The following AGAP1 variants were observed in gnomAD, a reference collection of about 807,000 sequenced individuals.
AGAP1 encodes the protein arf-GAP with GTPase, ANK repeat and PH domain-containing protein 1.
A neutral mutation model predicts 105.3 loss-of-function variants in AGAP1; 29 were observed. The ratio of observed to expected loss-of-function variants is 0.28; its 90% CI spans 0.21 to 0.38. AGAP1 has a LOEUF of 0.38. Among genes scored for constraint, AGAP1 ranks in the 10% least tolerant of loss-of-function variants. The pLI is 1.00. For synonymous variants in AGAP1, 509 were observed against 485.9 expected (o/e 1.05, Z -0.63); for missense variants, 998 against 1,165.1 (o/e 0.86, Z 2.09).
At chr2:235,757,257 T>C (rs78264331) in intron 6 of AGAP1, among the ~76,000 whole-genome samples, 2,740 of 152,300 alleles carry the variant, frequency 0.018, 94 homozygotes, top group African/African-American at 0.062. Context: ...CTAGAACAGA[T>C]CTGCATTATT....
At chr2:235,545,231 A>T (rs565401111) in intron 1 of AGAP1, among the ~76,000 whole-genome samples, 28 of 152,184 alleles carry the variant, frequency 1.8e-4, no homozygotes, top group Admixed American at 6.5e-5. Flanking sequence ...TTGGGCCATC[A>T]CCCCCTTCTC....
rs187678979 is a variant in AGAP1 at position 235,902,410 on chromosome 2, G to A, written c.1156-6328G>A. 1.9e-3 allele frequency among the ~76,000 whole-genome samples: 284 copies of A among 152,068 alleles called. 1 individual carries two copies. The highest frequency in any genetic ancestry group is 2.9e-3 in the Non-Finnish European group (197 of 67,988). ...ACTTGCCCTTTGAATGATCTTTTAC[G>A]TGTGTTTTATCCATGCAGGCATATC... On this transcript the variant is annotated intron_variant, in intron 10 of 17. Transcript: ENST00000304032.
intron 1 of AGAP1, among the ~76,000 whole-genome samples, chr2:235,647,958 A>C (rs1365881560): frequency 6.6e-6 from 1 of 152,132 alleles, no homozygotes; most frequent in African/African-American, 2.4e-5. Flanking sequence ...AATTTGAACC[A>C]ATCAGAAAGA....
In AGAP1 at chr2:235,989,260, T is replaced by C. The variant is rs992845662; in HGVS notation, c.1645+20637T>C. On this transcript the variant is annotated intron_variant, in intron 13 of 17. Coordinates refer to ENST00000304032, the MANE Select transcript of AGAP1 (RefSeq NM_001037131.3). The surrounding 1 kb of genome is among the most constrained non-coding windows in gnomAD (Gnocchi z 4.4). ...ACAGGTATTTATTGACCAGGTACTG[T>C]GTAGAGGTCGCTGCTGCGTGTGGCT... Among the ~76,000 whole-genome samples the C allele has an allele frequency of 3.3e-5, 5 of 152,158 alleles. No homozygotes were observed. Among genetic ancestry groups the C allele is most frequent in the African/African-American group, 1.2e-4 (5 of 41,432 alleles).
chr2:235,933,536 A>ATTTTTTTTTTTTTTTTT (rs71036300), intron 12 of AGAP1, among the ~76,000 whole-genome samples: 1 of 141,986 alleles, frequency 7.0e-6, no homozygotes, highest in African/African-American at 2.6e-5. Context: ...TTTTCTAAGG[A>ATTTTTTTTTTTTTTTTT]TTTTTTTTTT....
At position 235,787,903 on chromosome 2, in the gene AGAP1, G is replaced by C. The variant is rs964225116; in HGVS notation, c.674-9856G>C. ...TAGACCATGAGCATTCTGGGACCAAGAGCCATGACCATGAGCATTCCGGGA... is the reference window on the plus strand; with the variant it reads ...TAGACCATGAGCATTCTGGGACCAACAGCCATGACCATGAGCATTCCGGGA... On this transcript the variant is annotated intron_variant, in intron 6 of 17. Transcript: ENST00000304032. The surrounding 1 kb of genome is among the most constrained non-coding windows in gnomAD (Gnocchi z 4.4). Among the ~76,000 whole-genome samples the C allele has an allele frequency of 2.6e-5, 4 of 152,018 alleles. No homozygotes were observed. Among genetic ancestry groups the C allele is most frequent in the Non-Finnish European group, 4.4e-5 (3 of 68,016 alleles).
At chr2:235,508,673 C>G (rs1941941476) in intron 1 of AGAP1, among the ~76,000 whole-genome samples, 1 of 152,178 alleles carries the variant, frequency 6.6e-6, no homozygotes, top group South Asian at 2.1e-4. Context: ...GAAAATTCAC[C>G]TGCGTTTAGG....
chr2:235,598,118 A>G (rs1020673557), intron 1 of AGAP1, among the ~76,000 whole-genome samples: 7 of 147,072 alleles, frequency 4.8e-5, no homozygotes, highest in African/African-American at 7.6e-5. Flanking sequence ...ACGCCCTCCC[A>G]TGTTTCCTTT....
rs866702461 is a variant in AGAP1, at chr2:236,098,620, C to T, written c.2115-21572C>T. Among the ~76,000 whole-genome samples the T allele has an allele frequency of 2.5e-4, 29 of 115,222 alleles. 1 individual carries two copies. The highest frequency in any genetic ancestry group is 8.9e-4 in the African/African-American group (23 of 25,778). 75.6% of individuals were successfully genotyped at this position (115,222 alleles called of 152,430 possible). ...GCTGACTTGATGAAATCTTTTTTTCCTTTTTTTTTTTTTTTTTTTAGAGAA... is the reference window on the plus strand; with the variant it reads ...GCTGACTTGATGAAATCTTTTTTTCTTTTTTTTTTTTTTTTTTTTAGAGAA... On this transcript the variant is annotated intron_variant, in intron 16 of 17. Transcript: ENST00000304032.
At position 235,727,191 on chromosome 2, in the gene AGAP1, G is replaced by T. The variant is rs141016986; in HGVS notation, c.310+9547G>T. ...GTTCTGTCCCTTCGGGTGGGGAGAT[G>T]AGGTCAGCCTAATTGAGCTGAGTGG... is the stretch of plus-strand genomic sequence containing the variant. On this transcript the variant is annotated intron_variant, in intron 3 of 17. Coordinates refer to ENST00000304032, the MANE Select transcript of AGAP1 (RefSeq NM_001037131.3). Among the ~76,000 whole-genome samples the T allele has an allele frequency of 1.7e-3, 264 of 152,324 alleles. 3 individuals are homozygous for T. In the East Asian group the frequency reaches 0.02, roughly 12 times the overall value.
chr2:235,923,607 T>G (rs2052297521), intron 11 of AGAP1, among the ~76,000 whole-genome samples: 1 of 147,162 alleles, frequency 6.8e-6, no homozygotes, highest in Non-Finnish European at 1.5e-5. Flanking sequence ...TCCTAACAGT[T>G]GGCACTCTCG....
In AGAP1 at chr2:235,778,306, G is replaced by A. The variant is rs566441473; in HGVS notation, c.674-19453G>A. ...TTTCCTTCTGCACTTTCCACTTTGG[G>A]TATCCACCCATTTCCCCCAGTTCTT... On this transcript the variant is annotated intron_variant, in intron 6 of 17. Transcript: ENST00000304032. 2.6e-3 allele frequency among the ~76,000 whole-genome samples: 398 copies of A among 152,288 alleles called. 3 individuals carry two copies. Among genetic ancestry groups the A allele is most frequent in the African/African-American group, 9.0e-3 (372 of 41,546 alleles).
rs574131204 is a variant in AGAP1, at chr2:235,889,049, A to C, written c.1155+5600A>C. On this transcript the variant is annotated intron_variant, in intron 10 of 17. Transcript: ENST00000304032. The surrounding 1 kb of genome is among the most constrained non-coding windows in gnomAD (Gnocchi z 4.6). ...TATCTGAACACAGTTTGCTTATTGCACAAGTGTCCACGGAAGTGTTTGTGT... is the reference window on the plus strand; with the variant it reads ...TATCTGAACACAGTTTGCTTATTGCCCAAGTGTCCACGGAAGTGTTTGTGT... Among the ~76,000 whole-genome samples the C allele has an allele frequency of 1.3e-5, 2 of 152,342 alleles. No individual in the cohort carries two copies. Among genetic ancestry groups the C allele is most frequent in the East Asian group, 3.9e-4 (2 of 5,184 alleles).
intron 9 of AGAP1, among the ~76,000 whole-genome samples, chr2:235,844,197 A>G (rs1274727096): frequency 1.3e-5 from 2 of 152,178 alleles, no homozygotes; most frequent in East Asian, 1.9e-4. Flanking sequence ...AGTGGCTCTC[A>G]TCTCCACTCC....
intron 13 of AGAP1, among the ~76,000 whole-genome samples, chr2:236,008,072 A>G (rs1263084175): frequency 2.0e-5 from 3 of 152,198 alleles, no homozygotes; most frequent in Admixed American, 1.3e-4. Context: ...TTCAATTTGG[A>G]TTGCCAAGTA....
chr2:235,958,900 C>T lies in AGAP1; in HGVS notation c.1484-9562C>T, dbSNP rs1340378826. ...GACTCATACTTCACGTTCCGAAGCT[C>T]GGAGAGACTGCAGATTGTGATCATT... On this transcript the variant is annotated intron_variant, in intron 12 of 17. Coordinates refer to ENST00000304032, the MANE Select transcript of AGAP1 (RefSeq NM_001037131.3). This position sits in a 1 kb window ranked among gnomAD's most constrained non-coding sequence, Gnocchi z 4.1. Among the ~76,000 whole-genome samples, 4 of 152,208 alleles carry T rather than the reference C, an allele frequency of 2.6e-5. No homozygotes were observed. Among genetic ancestry groups the T allele is most frequent in the African/African-American group, 4.8e-5 (2 of 41,440 alleles).
rs373984970 is a variant in AGAP1 at position 235,879,957 on chromosome 2, A to C, written c.1051-3388A>C. On this transcript the variant is annotated intron_variant, in intron 9 of 17. Coordinates refer to ENST00000304032, the MANE Select transcript of AGAP1 (RefSeq NM_001037131.3). The surrounding 1 kb of genome is among the most constrained non-coding windows in gnomAD (Gnocchi z 5.0). Reference sequence around the variant, plus strand: ...TTATCTCTACAAAAAACAGAAATAAAAAAATTAGCCGAACAGGATGGCACA... The same window carrying C: ...TTATCTCTACAAAAAACAGAAATAACAAAATTAGCCGAACAGGATGGCACA... Among the ~76,000 whole-genome samples, 4 of 152,050 alleles carry C rather than the reference A, an allele frequency of 2.6e-5. No individual in the cohort carries two copies. The highest frequency in any genetic ancestry group is 9.7e-5 in the African/African-American group (4 of 41,450).
rs2058635210 is a variant in AGAP1, at chr2:236,076,392, T to G, written c.2114+27111T>G. Among the ~76,000 whole-genome samples, 2 of 151,772 alleles carry G rather than the reference T, an allele frequency of 1.3e-5. No individual in the cohort carries two copies. The highest frequency in any genetic ancestry group is 2.4e-5 in the African/African-American group (1 of 41,314). ...CCCTGGAGGCAGAGGTTACAGTGAGTCGAGACCACACCATTGTACTCCAGC... is the reference window on the plus strand; with the variant it reads ...CCCTGGAGGCAGAGGTTACAGTGAGGCGAGACCACACCATTGTACTCCAGC... On this transcript the variant is annotated intron_variant, in intron 16 of 17. Coordinates refer to ENST00000304032, the MANE Select transcript of AGAP1 (RefSeq NM_001037131.3). This position sits in a 1 kb window ranked among gnomAD's most constrained non-coding sequence, Gnocchi z 4.4.
rs536745512 is a variant in AGAP1 at position 235,639,355 on chromosome 2, T to C, written c.164-69824T>C. On this transcript the variant is annotated intron_variant, in intron 1 of 17. Coordinates refer to ENST00000304032, the MANE Select transcript of AGAP1 (RefSeq NM_001037131.3). This position sits in a 1 kb window ranked among gnomAD's most constrained non-coding sequence, Gnocchi z 5.3. ...ACGCCCTGGAGGTGGGTGGGTGAGC[T>C]CACCCAGGACCACGGTGTGGCCTGA... Among the ~76,000 whole-genome samples the C allele has an allele frequency of 1.3e-5, 2 of 152,148 alleles. No homozygotes were observed. Among genetic ancestry groups the C allele is most frequent in the Non-Finnish European group, 2.9e-5 (2 of 67,994 alleles).
Sources: allele counts gnomAD v4.1 joint callset (sites outside exome capture counted in the v4.1 genomes callset), GRCh38; gene constraint gnomAD v4.1.1; non-coding constraint Gnocchi (gnomAD v3.1); transcripts MANE v1.5; gene names NCBI Gene and HGNC (gene_info 2026-07-23, HGNC 2026-07-21).